DYM: variants seen among roughly 807,000 people sequenced by gnomAD.
DYM encodes dymeclin.
Under a neutral mutation model 93.1 loss-of-function variants are expected in DYM, and 78 were observed. That is an observed-to-expected ratio of 0.84 (90% CI 0.70 to 1.01). The LOEUF is 1.01. Among genes scored for constraint, DYM ranks in the 50% least tolerant of loss-of-function variants. DYM has a pLI of 0.00. For synonymous variants in DYM, 321 were observed against 319.7 expected, an observed-to-expected ratio of 1.00 and a Z score of -0.04; for missense variants, 789 against 845.0, an observed-to-expected ratio of 0.93 and a Z score of 0.82.
At chr18:49,219,945 A>G (rs1224768376) in intron 13 of DYM, among the ~76,000 whole-genome samples, 5 of 147,826 alleles carry the variant, frequency 3.4e-5, no homozygotes, top group African/African-American at 9.8e-5. Flanking sequence ...ATTCAATTAG[A>G]AAAAGAGGAA....
At chr18:49,458,817 T>C (rs28447549) in intron 1 of DYM, among the ~76,000 whole-genome samples, 103,819 of 152,104 alleles carry the variant, frequency 0.68, 36,552 homozygotes, top group East Asian at 0.99. Flanking sequence ...CCAGCCTGAA[T>C]GACAGAGCGA....
intron 1 of DYM, among the ~76,000 whole-genome samples, chr18:49,453,106 G>C (rs552717944): frequency 7.5e-6 from 1 of 134,180 alleles, no homozygotes; most frequent in Admixed American, 7.3e-5. Context: ...TCTAGCTCAA[G>C]GTTTGTAAAT....
Position 49,097,208 on chromosome 18 carries a change from T to C in DYM, c.2025+194A>G, listed in dbSNP as rs1323571883. On this transcript the variant is annotated intron_variant, in intron 17 of 17. Transcript: ENST00000675505. ...TTATAGTGCATGCCATGGCTACTTG[T>C]AGGATATGCAGTGGCATGAAAGTAT... 9.7e-6 allele frequency: 6 copies of C among 621,102 alleles called. No individual in the cohort carries two copies. The East Asian group carries it at 1.4e-4, about 14-fold the overall frequency. 38.5% of individuals were successfully genotyped at this position (621,102 alleles called of 1,614,324 possible).
At chr18:49,270,051 C>T (rs2094650786) in intron 11 of DYM, among the ~76,000 whole-genome samples, 1 of 152,188 alleles carries the variant, frequency 6.6e-6, no homozygotes. Context: ...TTACAGTATA[C>T]AGTAACAACG....
At chr18:49,448,978 G>A (rs2148678698) in intron 1 of DYM, among the ~76,000 whole-genome samples, 1 of 152,254 alleles carries the variant, frequency 6.6e-6, no homozygotes, top group South Asian at 2.1e-4. Flanking sequence ...CAGCTATTGG[G>A]TGTCCCAGCC....
In DYM at chr18:49,302,976, T is replaced by C. The variant is rs563254372; in HGVS notation, c.764-16360A>G. 3.5e-4 allele frequency among the ~76,000 whole-genome samples: 53 copies of C among 152,346 alleles called. 1 individual carries two copies. The highest frequency in any genetic ancestry group is 1.3e-3 in the African/African-American group (52 of 41,582). On this transcript the variant is annotated intron_variant, in intron 8 of 17. Transcript: ENST00000675505. ...TTAACAGGCCTAAATTCAATCTATT[T>C]GTTCTAGAGAATAGCATTTTGTGGT...
intron 11 of DYM, among the ~76,000 whole-genome samples, chr18:49,268,409 T>A (rs543017592): frequency 6.6e-6 from 1 of 152,194 alleles, no homozygotes; most frequent in Non-Finnish European, 1.5e-5. Context: ...CTGAACTCAA[T>A]GTGAACTGAA....
At chr18:49,324,169 A>AAAAAAAAAAC (rs2062722322) in intron 8 of DYM, among the ~76,000 whole-genome samples, 1 of 145,220 alleles carries the variant, frequency 6.9e-6, no homozygotes, top group African/African-American at 2.6e-5. Context: ...AAAAAAAAAA[A>AAAAAAAAAAC]TCTTTAACAC....
intron 13 of DYM, among the ~76,000 whole-genome samples, chr18:49,249,060 T>C (rs1033783304): frequency 6.6e-6 from 1 of 152,176 alleles, no homozygotes; most frequent in Admixed American, 6.5e-5. Flanking sequence ...CTGTTCCAGA[T>C]CAATCCCAGG....
chr18:49,060,910 C>T (rs2144640917), intron 17 of DYM, among the ~76,000 whole-genome samples: 1 of 152,104 alleles, frequency 6.6e-6, no homozygotes, highest in Admixed American at 6.5e-5. Flanking sequence ...GGAAATTGTT[C>T]AGAAGCCTGG....
At chr18:49,158,483 T>A (rs1450358036) in intron 15 of DYM, among the ~76,000 whole-genome samples, 1 of 152,194 alleles carries the variant, frequency 6.6e-6, no homozygotes, top group African/African-American at 2.4e-5. Flanking sequence ...AAATTTCAGC[T>A]TTTCAAACTT....
At chr18:49,282,388 G>A (rs1366557736) in intron 9 of DYM, among the ~76,000 whole-genome samples, 2 of 152,232 alleles carry the variant, frequency 1.3e-5, no homozygotes, top group African/African-American at 2.4e-5. Flanking sequence ...GCCGAGACAG[G>A]TGGATCATGA....
At chr18:49,089,237 A>G (rs2078832665) in intron 17 of DYM, among the ~76,000 whole-genome samples, 1 of 152,244 alleles carries the variant, frequency 6.6e-6, no homozygotes, top group South Asian at 2.1e-4. Context: ...CAAGTGCTCA[A>G]TTAATGTTAA....
At chr18:49,164,579 T>C (rs1469461464) in intron 14 of DYM, among the ~76,000 whole-genome samples, 1 of 152,224 alleles carries the variant, frequency 6.6e-6, no homozygotes, top group African/African-American at 2.4e-5. Context: ...CAAGGTGGAA[T>C]ACTAGAGAGG....
At chr18:49,282,505 C>T (rs899794153) in intron 9 of DYM, among the ~76,000 whole-genome samples, 3 of 152,082 alleles carry the variant, frequency 2.0e-5, no homozygotes, top group Non-Finnish European at 4.4e-5. Context: ...CCCAGCTACT[C>T]AGGAGGCTAT....
intron 8 of DYM, among the ~76,000 whole-genome samples, chr18:49,312,329 C>T (rs1245111250): frequency 5.9e-5 from 9 of 152,190 alleles, no homozygotes; most frequent in African/African-American, 1.2e-4. Flanking sequence ...TCCTGTTTGG[C>T]GTGCTTTCCC....
intron 8 of DYM, among the ~76,000 whole-genome samples, chr18:49,297,591 T>C (rs142695028): frequency 2.8e-4 from 43 of 152,312 alleles, no homozygotes; most frequent in Non-Finnish European, 5.6e-4. Flanking sequence ...AAAAACACTG[T>C]ATGTATCCCT....
chr18:49,344,791 G>T (rs983936650), intron 6 of DYM, among the ~76,000 whole-genome samples: 7 of 151,946 alleles, frequency 4.6e-5, no homozygotes, highest in African/African-American at 1.7e-4. Context: ...AAAAAGAAAT[G>T]GAAGAATTCC....
At chr18:49,160,360 C>CTTTCTT (rs2086945660) in intron 15 of DYM, among the ~76,000 whole-genome samples, 1 of 152,118 alleles carries the variant, frequency 6.6e-6, no homozygotes, top group Admixed American at 6.5e-5. Flanking sequence ...TTGCGATTAG[C>CTTTCTT]TTTCTATGTT....
Sources: allele counts gnomAD v4.1 joint callset (sites outside exome capture counted in the v4.1 genomes callset), GRCh38; gene constraint gnomAD v4.1.1; transcripts MANE v1.5; gene names NCBI Gene and HGNC (gene_info 2026-07-23, HGNC 2026-07-21).